Variants in DNAH10 observed in about 807,000 individuals in gnomAD.
DNAH10 encodes the protein axonemal beta dynein heavy chain 10.
DNAH10 carries 348 observed loss-of-function variants against 506.6 expected under a neutral mutation model. The ratio of observed to expected loss-of-function variants is 0.69; its 90% confidence interval spans 0.63 to 0.75. The LOEUF (loss-of-function observed/expected upper bound fraction) is 0.75, where lower values mean the gene tolerates loss of function less well. DNAH10 is among the 30% of genes least tolerant of loss of function. DNAH10 has a pLI of 0.00. For missense variants in DNAH10, 5,179 were observed against 5,787.1 expected (o/e 0.89, Z 3.41); for synonymous variants, 2,059 against 2,198.6 (o/e 0.94, Z 1.78).
In DNAH10 at chr12:123,928,911, C is replaced by T. The variant is rs1343566898; in HGVS notation, c.12306+324C>T. The T allele has an allele frequency of 6.5e-6, 3 of 460,214 alleles. No homozygotes were observed. The highest frequency in any genetic ancestry group is 7.7e-6 in the Non-Finnish European group (2 of 259,422). 28.5% of individuals were successfully genotyped at this position (460,214 alleles called of 1,614,324 possible). A position where few individuals can be genotyped will look rare whatever the true frequency, so the allele number is the denominator to read the frequency against. ...GCTAGTGCTGACTGCAGGAGTTTCG[C>T]GTGGTTTACATGCCCCATTTAATTT... On this transcript the variant is annotated intron_variant, in intron 70 of 78. Coordinates refer to ENST00000673944, the MANE Select transcript of DNAH10 (RefSeq NM_001372106.1). The surrounding 1 kb of genome is among the most constrained non-coding windows in gnomAD (Gnocchi z 4.9).
chr12:123,789,891 A>G (rs941068249), intron 10 of DNAH10, 36 bp from the exon 11 acceptor site: 1 of 1,583,004 alleles, frequency 6.3e-7, no homozygotes, highest in Non-Finnish European at 8.6e-7. Flanking sequence ...GGAAAACCCA[A>G]ATGTAATCTC....
rs1954898661 is a variant in DNAH10 at position 123,925,356 on chromosome 12, A to G, written c.11921+152A>G. The G allele has an allele frequency of 9.7e-7, 1 of 1,028,550 alleles. No homozygotes were observed. The highest frequency in any genetic ancestry group is 1.6e-5 in the African/African-American group (1 of 61,816). 63.7% of individuals were successfully genotyped at this position (1,028,550 alleles called of 1,614,324 possible). On this transcript the variant is annotated intron_variant, in intron 68 of 78. Transcript: ENST00000673944. The surrounding 1 kb of genome is among the most constrained non-coding windows in gnomAD (Gnocchi z 4.0). ...AATATTCGATAGCCGATATTCTAGA[A>G]TTCTTCAATATTCTAGAACAGTGCT...
At chr12:123,914,677 T>C in intron 61 of DNAH10, 127 bp downstream of exon 61, 14 of 1,396,180 alleles carry the variant, frequency 1.0e-5, no homozygotes, top group Non-Finnish European at 9.6e-6. Context: ...CTCGACTGCA[T>C]GGAAGTGGCC....
At position 123,819,078 on chromosome 12, in the gene DNAH10, A is replaced by G. The variant is rs1304848171; in HGVS notation, c.3897+12A>G. ...GAACTTTCACAGAGGTACCTTTTAAATTTCACTTCCTGAGTAAAGACATTG... is the reference window on the plus strand; with the variant it reads ...GAACTTTCACAGAGGTACCTTTTAAGTTTCACTTCCTGAGTAAAGACATTG... On this transcript the variant is annotated intron_variant, in intron 22 of 78. Coordinates refer to ENST00000673944, the MANE Select transcript of DNAH10 (RefSeq NM_001372106.1). 3.1e-6 allele frequency: 5 copies of G among 1,599,202 alleles called. 1 individual carries two copies. The East Asian group carries it at 1.1e-4, about 36-fold the overall frequency.
Position 123,787,478 on chromosome 12 carries a change from C to T in DNAH10, c.1422-326C>T, listed in dbSNP as rs1957899538. Among the ~76,000 whole-genome samples, 1 of 152,230 alleles carries T rather than the reference C, an allele frequency of 6.6e-6. No individual in the cohort carries two copies. Among genetic ancestry groups the T allele is most frequent in the African/African-American group, 2.4e-5 (1 of 41,462 alleles). Reference sequence around the variant, plus strand: ...TAGGTACCCAAATGGAGGCATTGTCCTGCGCCGTGTTGCAGCTGCCGCTGT... The same window carrying T: ...TAGGTACCCAAATGGAGGCATTGTCTTGCGCCGTGTTGCAGCTGCCGCTGT... On this transcript the variant is annotated intron_variant, in intron 9 of 78. Coordinates refer to ENST00000673944, the MANE Select transcript of DNAH10 (RefSeq NM_001372106.1). This position sits in a 1 kb window ranked among gnomAD's most constrained non-coding sequence, Gnocchi z 4.6.
At chr12:123,809,631 A>G (rs1390395499) in intron 19 of DNAH10, among the ~76,000 whole-genome samples, 2 of 143,062 alleles carry the variant, frequency 1.4e-5, no homozygotes, top group Non-Finnish European at 3.0e-5. Flanking sequence ...CCTGGGCAAC[A>G]GAGCAAGACC....
chr12:123,872,896 C>T (rs1270527352), intron 45 of DNAH10, among the ~76,000 whole-genome samples: 2 of 152,220 alleles, frequency 1.3e-5, no homozygotes, highest in Non-Finnish European at 2.9e-5. Flanking sequence ...GTGGCACAAA[C>T]CCTGCAGGTG....
intron 23 of DNAH10, 96 bp downstream of exon 23, chr12:123,819,346 G>A (rs1331482945): frequency 4.2e-5 from 36 of 852,142 alleles, no homozygotes; most frequent in East Asian, 1.9e-4. Context: ...TGATGGTGCC[G>A]TGATTAAAAT....
rs1238309269 is a variant in DNAH10, at chr12:123,879,258, C to A, written c.8373-6C>A. On this transcript the variant is annotated splice_region_variant and splice_polypyrimidine_tract_variant and intron_variant, in intron 48 of 78. Coordinates refer to ENST00000673944, the MANE Select transcript of DNAH10 (RefSeq NM_001372106.1). Reference sequence around the variant, plus strand: ...CTGGCTGATTTTTGTCCCTTCCATTCTGCAGATTCCAGACGGTGGCCCAGA... The same window carrying A: ...CTGGCTGATTTTTGTCCCTTCCATTATGCAGATTCCAGACGGTGGCCCAGA... 4.5e-6 allele frequency: 7 copies of A among 1,567,128 alleles called. No homozygotes were observed. In the Admixed American group the frequency reaches 1.3e-4, roughly 30 times the overall value.
chr12:123,896,953 CT>C (rs1182800516), intron 54 of DNAH10, among the ~76,000 whole-genome samples: 2 of 152,150 alleles, frequency 1.3e-5, no homozygotes, highest in African/African-American at 4.8e-5. Context: ...GTTGCCAAAA[CT>C]TTTCATCATC....
chr12:123,869,182 G>A (rs777498503), intron 43 of DNAH10, among the ~76,000 whole-genome samples: 2 of 152,140 alleles, frequency 1.3e-5, no homozygotes, highest in South Asian at 2.1e-4. Flanking sequence ...TCTGAGACTC[G>A]GGCCACATGT....
At chr12:123,897,125 TC>T (rs1439281993) in intron 54 of DNAH10, among the ~76,000 whole-genome samples, 4 of 152,216 alleles carry the variant, frequency 2.6e-5, no homozygotes, top group African/African-American at 9.6e-5. Flanking sequence ...GTGTCTGGCG[TC>T]TTTCACTTAG....
At chr12:123,879,457 G>A (rs370183319) in intron 49 of DNAH10, 100 bp downstream of exon 49, 20 of 1,472,782 alleles carry the variant, frequency 1.4e-5, no homozygotes, top group East Asian at 1.2e-4. Flanking sequence ...TGGAAAAATA[G>A]GCACGAAAGG....
chr12:123,900,633 GGGTTGCAA>G (rs1351046570), intron 56 of DNAH10, among the ~76,000 whole-genome samples: 33 of 152,358 alleles, frequency 2.2e-4, no homozygotes, highest in African/African-American at 7.7e-4. Flanking sequence ...TCTGTTTCCA[GGGTTGCAA>G]ATGGTAGAAA....
chr12:123,776,919 A>G (rs1957462594), intron 5 of DNAH10, among the ~76,000 whole-genome samples: 1 of 152,206 alleles, frequency 6.6e-6, no homozygotes, highest in South Asian at 2.1e-4. Context: ...ATAGTGTGTT[A>G]GACAGCAACA....
At position 123,813,438 on chromosome 12, in the gene DNAH10, A is replaced by G; in HGVS notation, c.3419A>G (p.Asp1140Gly). Residue 1140 changes from aspartate to glycine, a missense_variant, in exon 20 of 79, where the codon GAT becomes GGT. By Grantham distance (94) the Asp-to-Gly change is moderately conservative. This residue lies in a region of DNAH10 where 4,844 missense variants were observed against 5,430.5 expected (regional missense o/e 0.89). Transcript: ENST00000673944. The part of the protein sequence containing the change: ...AAKKPPCVAY[D>G]EKLQFYSKIA... ...AAGAAACCTCCTTGTGTAGCATATG[A>G]TGAAAAGTTGCAGTTCTATTCCAAG... 2 of 1,614,246 alleles carry G rather than the reference A, an allele frequency of 1.2e-6. No individual in the cohort carries two copies. The highest frequency in any genetic ancestry group is 8.5e-7 in the Non-Finnish European group (1 of 1,180,034).
In DNAH10 at chr12:123,934,633, C is replaced by T. The variant is rs770165704; in HGVS notation, c.13490C>T (p.Ser4497Leu). Residue 4497 changes from serine to leucine, a missense_variant, in exon 78 of 79, where the codon TCA (serine) becomes TTA (leucine). Coordinates refer to ENST00000673944, the MANE Select transcript of DNAH10 (RefSeq NM_001372106.1). ...CTTGTGTCCCTAGGATGCTTTGTCT[C>T]AGGACTGTACCTGGAAGGTGCTGAC... ...NERAGQGCFV[S>L]GLYLEGADWD... 1 of 1,613,588 alleles carries T rather than the reference C, an allele frequency of 6.2e-7. No homozygotes were observed. Among genetic ancestry groups the T allele is most frequent in the South Asian group, 1.1e-5 (1 of 90,900 alleles).
chr12:123,883,477 C>G (rs1382892791), intron 51 of DNAH10, among the ~76,000 whole-genome samples: 1 of 152,340 alleles, frequency 6.6e-6, no homozygotes, highest in East Asian at 1.9e-4. Flanking sequence ...GTCCCTCATT[C>G]ACCCTTTTCT....
In DNAH10 at chr12:123,830,577, G is replaced by T; in HGVS notation, c.4423G>T (p.Val1475Phe). The T allele has an allele frequency of 6.2e-7, 1 of 1,613,610 alleles. No individual in the cohort carries two copies. Among genetic ancestry groups the T allele is most frequent in the Non-Finnish European group, 8.5e-7 (1 of 1,179,750 alleles). The change falls in exon 26 of 79, where the codon GTC becomes TTC. Residue 1475 changes from valine to phenylalanine, a missense_variant. By Grantham distance (50) the Val-to-Phe change is conservative (BLOSUM62 -1). Transcript: ENST00000673944. ...HWKELMEKTS[V>F]FFEMTETFTL... Reference sequence around the variant, plus strand: ...GAAAGAACTTATGGAAAAAACGTCTGTCTTTTTTGAAATGACCGAAACGTT... The same window carrying T: ...GAAAGAACTTATGGAAAAAACGTCTTTCTTTTTTGAAATGACCGAAACGTT...
Sources: allele counts gnomAD v4.1 joint callset (sites outside exome capture counted in the v4.1 genomes callset), GRCh38; gene constraint gnomAD v4.1.1; regional missense constraint gnomAD v4.1.1; non-coding constraint Gnocchi (gnomAD v3.1); transcripts MANE v1.5; gene names NCBI Gene and HGNC (gene_info 2026-07-23, HGNC 2026-07-21).